The following ESRRG variants were observed in gnomAD, a reference collection of about 807,000 sequenced individuals.
ESRRG encodes estrogen-related receptor gamma.
A neutral mutation model predicts 44.0 loss-of-function variants in ESRRG; 13 were observed. The ratio of observed to expected loss-of-function variants is 0.30; its 90% CI spans 0.19 to 0.47. The LOEUF (loss-of-function observed/expected upper bound fraction) is 0.47. Among genes scored for constraint, ESRRG ranks in the 20% least tolerant of loss-of-function variants. The pLI is 1.00. For missense variants in ESRRG, 395 were observed against 580.6 expected, an observed-to-expected ratio of 0.68 and a Z score of 3.29; for synonymous variants, 215 against 214.6, an observed-to-expected ratio of 1.00 and a Z score of -0.02.
intron 5 of ESRRG, among the ~76,000 whole-genome samples, chr1:216,560,829 G>A (rs538752947): frequency 1.9e-4 from 29 of 152,148 alleles, no homozygotes; most frequent in Non-Finnish European, 3.5e-4. Context: ...GCGCTTATCC[G>A]AGCGCGGACG....
chr1:216,668,797 CA>C (rs1271147834), intron 2 of ESRRG, among the ~76,000 whole-genome samples: 2 of 151,818 alleles, frequency 1.3e-5, no homozygotes, highest in Non-Finnish European at 2.9e-5. Flanking sequence ...TTGAAATATC[CA>C]AACAGAGAAA....
chr1:216,796,790 T>C lies in ESRRG; in HGVS notation c.-13-119299A>G, dbSNP rs140228165. The stretch of plus-strand genomic sequence containing the variant: ...ATGCTCAAAGCCAGAAACTTCTTGG[T>C]TGATCTTCCTGCTTCTATGACACTC... On this transcript the variant is annotated intron_variant, in intron 2 of 7. Coordinates refer to the ESRRG transcript ENST00000359162. 5.9e-5 allele frequency among the ~76,000 whole-genome samples: 9 copies of C among 152,084 alleles called. No individual in the cohort carries two copies. The East Asian group carries it at 1.7e-3, about 30-fold the overall frequency.
At chr1:216,530,835 A>G (rs2049161149) in intron 5 of ESRRG, among the ~76,000 whole-genome samples, 1 of 152,146 alleles carries the variant, frequency 6.6e-6, no homozygotes, top group Non-Finnish European at 1.5e-5. Context: ...ACAAATTCCA[A>G]TAAAAGCACT....
At chr1:216,564,124 T>C (rs1200533088) in intron 5 of ESRRG, 95 bp downstream of exon 5, 9 of 703,930 alleles carry the variant, frequency 1.3e-5, no homozygotes, top group South Asian at 3.2e-5. Flanking sequence ...TTTTTAAGTC[T>C]AAATGAGAAA....
At chr1:216,631,935 C>T (rs1319497814) in intron 3 of ESRRG, among the ~76,000 whole-genome samples, 1 of 152,100 alleles carries the variant, frequency 6.6e-6, no homozygotes, top group African/African-American at 2.4e-5. Context: ...CCAGCAAGAA[C>T]TGTCACTCTC....
chr1:216,780,497 T>C (rs1174103499), intron 2 of ESRRG, among the ~76,000 whole-genome samples: 3 of 152,078 alleles, frequency 2.0e-5, no homozygotes, highest in African/African-American at 7.2e-5. Flanking sequence ...TGCTGAAATG[T>C]ACTGAACCCT....
chr1:216,507,094 T>A lies in ESRRG; in HGVS notation c.1222A>T (p.Met408Leu). ...ALQDYEAGQHMEDPRRAGKML... is the reference protein window; with the variant it reads ...ALQDYEAGQHLEDPRRAGKML... ...TTGCCAGCTCGACGAGGGTCTTCCA[T>A]GTGCTGGCCAGCTTCATAATCCTGC... is the stretch of plus-strand genomic sequence containing the variant. The change falls in exon 7 of 7, where the codon ATG becomes TTG. Residue 408 changes from methionine (M) to leucine (L), a missense_variant. Transcript: ENST00000408911. The A allele has an allele frequency of 6.2e-7, 1 of 1,614,086 alleles. No homozygotes were observed. The highest frequency in any genetic ancestry group is 8.5e-7 in the Non-Finnish European group (1 of 1,180,016).
At chr1:216,981,714 C>G (rs1255361046) in intron 1 of ESRRG, among the ~76,000 whole-genome samples, 1 of 151,986 alleles carries the variant, frequency 6.6e-6, no homozygotes, top group African/African-American at 2.4e-5. Context: ...CACACACACA[C>G]ACACATGCAC....
At chr1:216,572,081 G>A (rs370310585) in intron 3 of ESRRG, among the ~76,000 whole-genome samples, 4 of 151,996 alleles carry the variant, frequency 2.6e-5, no homozygotes, top group African/African-American at 4.8e-5. Context: ...CTTTTAACTC[G>A]TTTTCAAAAT....
chr1:216,937,255 A>G (rs1442807711), intron 2 of ESRRG, among the ~76,000 whole-genome samples: 1 of 152,188 alleles, frequency 6.6e-6, no homozygotes, highest in African/African-American at 2.4e-5. Flanking sequence ...AGAAAAAAAA[A>G]AGATTGCCGT....
At chr1:217,035,137 G>A (rs2082656671) in intron 1 of ESRRG, among the ~76,000 whole-genome samples, 1 of 152,014 alleles carries the variant, frequency 6.6e-6, no homozygotes. Context: ...TGAAGTAGGA[G>A]TAATAATATC....
intron 2 of ESRRG, among the ~76,000 whole-genome samples, chr1:216,742,867 C>T (rs2152240684): frequency 6.7e-6 from 1 of 148,286 alleles, no homozygotes; most frequent in East Asian, 2.0e-4. Context: ...TTAAAAAAAC[C>T]CTCAAACTTA....
chr1:216,578,114 A>C (rs1160855773), intron 3 of ESRRG, among the ~76,000 whole-genome samples: 1 of 152,110 alleles, frequency 6.6e-6, no homozygotes, highest in Non-Finnish European at 1.5e-5. Context: ...ATCTAGTATA[A>C]CGAATATGGT....
intron 5 of ESRRG, among the ~76,000 whole-genome samples, chr1:216,521,119 A>T (rs1010922507): frequency 3.3e-5 from 5 of 152,106 alleles, no homozygotes; most frequent in African/African-American, 1.2e-4. Context: ...ATGTTATTTG[A>T]CAGGATTTCT....
intron 1 of ESRRG, among the ~76,000 whole-genome samples, chr1:217,110,366 C>G (rs777136807): frequency 3.9e-5 from 6 of 152,186 alleles, no homozygotes; most frequent in Non-Finnish European, 7.3e-5. Flanking sequence ...TCCTGAAACC[C>G]AGACCTTCAG....
intron 1 of ESRRG, among the ~76,000 whole-genome samples, chr1:216,690,016 T>C (rs1458426834): frequency 6.6e-6 from 1 of 152,022 alleles, no homozygotes; most frequent in East Asian, 1.9e-4. Context: ...CATATGTTGC[T>C]GGGAGGGTAT....
intron 2 of ESRRG, among the ~76,000 whole-genome samples, chr1:216,823,956 C>G (rs1480561168): frequency 6.6e-6 from 1 of 152,160 alleles, no homozygotes; most frequent in African/African-American, 2.4e-5. Flanking sequence ...ATGGACATGG[C>G]TGAGCTCTAC....
At chr1:216,629,968 C>A (rs2063843629) in intron 3 of ESRRG, among the ~76,000 whole-genome samples, 1 of 152,104 alleles carries the variant, frequency 6.6e-6, no homozygotes, top group African/African-American at 2.4e-5. Flanking sequence ...AAAAGGGCCA[C>A]ATATACACAG....
At chr1:216,794,137 C>T (rs1228947874) in intron 2 of ESRRG, among the ~76,000 whole-genome samples, 1 of 152,058 alleles carries the variant, frequency 6.6e-6, no homozygotes, top group Non-Finnish European at 1.5e-5. Flanking sequence ...GGCCTTCTGC[C>T]TTATAAGCAT....
Sources: allele counts gnomAD v4.1 joint callset (sites outside exome capture counted in the v4.1 genomes callset), GRCh38; gene constraint gnomAD v4.1.1; transcripts MANE v1.5; gene names NCBI Gene and HGNC (gene_info 2026-07-23, HGNC 2026-07-21).